SEM1: variants seen among roughly 807,000 people sequenced by gnomAD.
The protein encoded by SEM1 is 26S proteasome complex subunit SEM1.
A neutral mutation model predicts 12.7 loss-of-function variants in SEM1; 3 were observed. That is an observed-to-expected ratio of 0.24 (90% confidence interval 0.11 to 0.61). The LOEUF (loss-of-function observed/expected upper bound fraction) is 0.61, where lower values mean the gene tolerates loss of function less well. Among genes scored for constraint, SEM1 ranks in the 20% least tolerant of loss-of-function variants. The pLI is 0.88. For missense variants in SEM1, 59 were observed against 81.3 expected, an observed-to-expected ratio of 0.73 and a Z score of 1.06; for synonymous variants, 30 against 27.8, an observed-to-expected ratio of 1.08 and a Z score of -0.25.
chr7:96,628,449 T>C (rs1808142695), intron 2 of SEM1, among the ~76,000 whole-genome samples: 1 of 152,132 alleles, frequency 6.6e-6, no homozygotes, highest in Admixed American at 6.5e-5. Context: ...GCAAATAGTA[T>C]TTTATAACCC....
chr7:96,687,090 C>T (rs1789781704), downstream of SEM1, among the ~76,000 whole-genome samples: 1 of 152,162 alleles, frequency 6.6e-6, no homozygotes, highest in Non-Finnish European at 1.5e-5. Flanking sequence ...AATGAGATAC[C>T]ATCTCACACC....
At chr7:96,604,505 T>TG (rs1807287938) in intron 2 of SEM1, among the ~76,000 whole-genome samples, 1 of 151,914 alleles carries the variant, frequency 6.6e-6, no homozygotes, top group Non-Finnish European at 1.5e-5. Flanking sequence ...ATGTAAAGAG[T>TG]TTTACATGCT....
At chr7:96,564,539 G>A (rs962080811) in intron 2 of SEM1, among the ~76,000 whole-genome samples, 5 of 152,062 alleles carry the variant, frequency 3.3e-5, no homozygotes, top group African/African-American at 7.2e-5. Flanking sequence ...GAAGAGCCAC[G>A]TTCTTTTTTC....
intron 2 of SEM1, among the ~76,000 whole-genome samples, chr7:96,590,227 C>T (rs888077934): frequency 1.3e-5 from 2 of 152,136 alleles, no homozygotes; most frequent in African/African-American, 2.4e-5. Context: ...AGAGTGCCTA[C>T]TTAAATTTGA....
intron 2 of SEM1, among the ~76,000 whole-genome samples, chr7:96,514,847 A>G (rs531510493): frequency 2.7e-5 from 4 of 148,860 alleles, no homozygotes; most frequent in African/African-American, 4.9e-5. Context: ...CTCACCTGAT[A>G]TATACCTTCA....
chr7:96,579,913 ACT>A (rs1368126054), intron 2 of SEM1, among the ~76,000 whole-genome samples: 3 of 151,236 alleles, frequency 2.0e-5, no homozygotes, highest in African/African-American at 7.3e-5. Flanking sequence ...TATAATTATT[ACT>A]AAATTTTAAA....
chr7:96,612,212 G>T (rs561646652), intron 2 of SEM1, among the ~76,000 whole-genome samples: 3 of 152,132 alleles, frequency 2.0e-5, no homozygotes, highest in Non-Finnish European at 1.5e-5. Context: ...CAATTAATAG[G>T]CCTGCCCAGA....
chr7:96,583,919 T>C (rs1186976288), intron 2 of SEM1, among the ~76,000 whole-genome samples: 1 of 151,566 alleles, frequency 6.6e-6, no homozygotes, highest in Non-Finnish European at 1.5e-5. Context: ...CTTGACTCTT[T>C]ATCCAGTTTG....
At chr7:96,596,476 T>C (rs749439256) in intron 2 of SEM1, among the ~76,000 whole-genome samples, 1 of 152,180 alleles carries the variant, frequency 6.6e-6, no homozygotes, top group Non-Finnish European at 1.5e-5. Flanking sequence ...CACAGCACCA[T>C]TAAGTCGGTC....
chr7:96,493,051 G>GCAAC (rs2117229321), intron 1 of SEM1, among the ~76,000 whole-genome samples: 1 of 152,226 alleles, frequency 6.6e-6, no homozygotes, highest in African/African-American at 2.4e-5. Context: ...TCGGCTCACT[G>GCAAC]CAACCTCTGC....
chr7:96,666,942 G>A (rs1789187246), intron 2 of SEM1, among the ~76,000 whole-genome samples: 1 of 152,092 alleles, frequency 6.6e-6, no homozygotes, highest in African/African-American at 2.4e-5. Flanking sequence ...GGGCCAACTT[G>A]CTATATCCAT....
At chr7:96,531,723 C>A (rs746510550) in intron 2 of SEM1, among the ~76,000 whole-genome samples, 8 of 151,892 alleles carry the variant, frequency 5.3e-5, no homozygotes, top group Non-Finnish European at 1.2e-4. Context: ...CATGTAGATG[C>A]TCAGTGTTAA....
chr7:96,607,652 G>A (rs986664234), intron 2 of SEM1, among the ~76,000 whole-genome samples: 1 of 152,110 alleles, frequency 6.6e-6, no homozygotes, highest in Non-Finnish European at 1.5e-5. Flanking sequence ...GCCATCCCCA[G>A]CTGCCCACAA....
At chr7:96,638,501 A>G (rs1002257507) in intron 2 of SEM1, among the ~76,000 whole-genome samples, 1 of 152,010 alleles carries the variant, frequency 6.6e-6, no homozygotes, top group African/African-American at 2.4e-5. Flanking sequence ...AACTCAGAAA[A>G]TATAGAAAAG....
At chr7:96,528,134 G>C (rs773972568) in intron 2 of SEM1, among the ~76,000 whole-genome samples, 30 of 152,044 alleles carry the variant, frequency 2.0e-4, no homozygotes, top group Non-Finnish European at 3.5e-4. Context: ...AGTCAGATTG[G>C]CTTCATGTTA....
At position 96,556,837 on chromosome 7, in the gene SEM1, G is replaced by A. The variant is rs576833737; in HGVS notation, c.171-50139C>T. Among the ~76,000 whole-genome samples the A allele has an allele frequency of 4.6e-5, 6 of 130,416 alleles. No individual in the cohort carries two copies. The Admixed American group carries it at 4.8e-4, about 10-fold the overall frequency. The allele number at this position is 130,416 out of a possible 152,430, so 85.6% of individuals were successfully genotyped here. ...TCACTTTCAGGTACACCAATCAGAC[G>A]TAGATTTGGTCTTTTCACATAGTCC... On this transcript the variant is annotated intron_variant and NMD_transcript_variant, in intron 2 of 3. Coordinates refer to the SEM1 transcript ENST00000466986.
At chr7:96,555,176 G>T (rs867290769) in intron 2 of SEM1, among the ~76,000 whole-genome samples, 2 of 149,340 alleles carry the variant, frequency 1.3e-5, no homozygotes, top group Non-Finnish European at 3.0e-5. Context: ...TTTTTGAAGG[G>T]TTTTTGTGTC....
chr7:96,545,264 T>C (rs565671461), intron 2 of SEM1, among the ~76,000 whole-genome samples: 1 of 152,166 alleles, frequency 6.6e-6, no homozygotes, highest in Admixed American at 6.6e-5. Flanking sequence ...TTCAAAAATT[T>C]TGTCCCATGT....
chr7:96,708,542 G>A (rs1394021567), intron 1 of SEM1, among the ~76,000 whole-genome samples: 2 of 152,220 alleles, frequency 1.3e-5, no homozygotes. Flanking sequence ...CCTTCAGAAA[G>A]TAATCTCCTT....
Sources: allele counts gnomAD v4.1 joint callset (sites outside exome capture counted in the v4.1 genomes callset), GRCh38; gene constraint gnomAD v4.1.1; transcripts MANE v1.5; gene names NCBI Gene and HGNC (gene_info 2026-07-23, HGNC 2026-07-21).